PXDNL: variants seen among roughly 807,000 people sequenced by gnomAD.
PXDNL encodes peroxidasin like.
PXDNL carries 145 observed loss-of-function variants against 150.8 expected under a neutral mutation model. The observed-to-expected ratio is 0.96, with a 90% CI of 0.84 to 1.10. The LOEUF (loss-of-function observed/expected upper bound fraction) is 1.10. Ranked by LOEUF, PXDNL falls within the 50% of genes least tolerant of loss-of-function variation. The pLI is 0.00. For synonymous variants in PXDNL, 757 were observed against 725.7 expected (o/e 1.04, Z -0.69); for missense variants, 2,087 against 1,873.9 (o/e 1.11, Z -2.10).
intron 1 of PXDNL, among the ~76,000 whole-genome samples, chr8:51,714,469 T>G (rs548034584): frequency 6.6e-6 from 1 of 152,322 alleles, no homozygotes; most frequent in South Asian, 2.1e-4. Context: ...GCTTTTAATT[T>G]ATTTTCTTTT....
At chr8:51,351,556 T>C (rs186699963) in intron 19 of PXDNL, among the ~76,000 whole-genome samples, 49 of 152,196 alleles carry the variant, frequency 3.2e-4, no homozygotes, top group African/African-American at 1.2e-3. Flanking sequence ...GCCTCTGGAG[T>C]GGGGAGACAC....
chr8:51,558,023 A>T (rs1812632877), intron 3 of PXDNL, among the ~76,000 whole-genome samples: 1 of 152,124 alleles, frequency 6.6e-6, no homozygotes, highest in Admixed American at 6.6e-5. Context: ...AAATCTCAAA[A>T]ATATAGCTAT....
intron 1 of PXDNL, among the ~76,000 whole-genome samples, chr8:51,720,935 G>A (rs1165641967): frequency 2.0e-5 from 3 of 152,190 alleles, no homozygotes; most frequent in Non-Finnish European, 4.4e-5. Flanking sequence ...ACGCTCGATC[G>A]CATGCAAAGA....
At chr8:51,486,903 C>CA (rs1233037122) in intron 5 of PXDNL, among the ~76,000 whole-genome samples, 1 of 143,878 alleles carries the variant, frequency 7.0e-6, no homozygotes, top group African/African-American at 2.6e-5. Flanking sequence ...TGGGTTCAAG[C>CA]AATTCTCCTG....
At chr8:51,594,875 G>A (rs561296534) in intron 2 of PXDNL, among the ~76,000 whole-genome samples, 2 of 152,118 alleles carry the variant, frequency 1.3e-5, no homozygotes, top group African/African-American at 4.8e-5. Context: ...AAATGTATGA[G>A]TGGGTCTGCT....
At chr8:51,433,072 G>A (rs1034228918) in intron 12 of PXDNL, among the ~76,000 whole-genome samples, 1 of 152,058 alleles carries the variant, frequency 6.6e-6, no homozygotes, top group Non-Finnish European at 1.5e-5. Flanking sequence ...AGCTGGATGT[G>A]GCAGGGCGCC....
intron 3 of PXDNL, 130 bp from the exon 4 acceptor site, chr8:51,557,041 T>C (rs1295553506): frequency 1.3e-5 from 8 of 601,066 alleles, no homozygotes; most frequent in East Asian, 1.1e-4. Flanking sequence ...TCTCTAACAA[T>C]ATATAGAAAC....
At chr8:51,495,069 C>T (rs200866400) in intron 5 of PXDNL, among the ~76,000 whole-genome samples, 1 of 152,094 alleles carries the variant, frequency 6.6e-6, no homozygotes, top group Non-Finnish European at 1.5e-5. Context: ...ACAGAAATTA[C>T]AACAAACTGT....
intron 12 of PXDNL, among the ~76,000 whole-genome samples, chr8:51,431,409 A>AT (rs1329781734): frequency 6.6e-6 from 1 of 152,136 alleles, no homozygotes; most frequent in Admixed American, 6.5e-5. Flanking sequence ...TGGCACTTCT[A>AT]TACCCTTTAT....
At chr8:51,381,255 G>A (rs1807526974) in intron 17 of PXDNL, among the ~76,000 whole-genome samples, 1 of 152,124 alleles carries the variant, frequency 6.6e-6, no homozygotes, top group Non-Finnish European at 1.5e-5. Flanking sequence ...AAGAGCATAT[G>A]TCAAAACTTT....
intron 2 of PXDNL, among the ~76,000 whole-genome samples, chr8:51,615,597 G>A (rs771398437): frequency 1.2e-4 from 19 of 152,140 alleles, no homozygotes; most frequent in Non-Finnish European, 2.6e-4. Context: ...ATGAGGGATT[G>A]CACCTAGAAA....
intron 1 of PXDNL, among the ~76,000 whole-genome samples, chr8:51,736,487 A>G (rs1247024439): frequency 6.6e-6 from 1 of 152,224 alleles, no homozygotes; most frequent in East Asian, 1.9e-4. Flanking sequence ...AACAGGGTAC[A>G]GCCAATCACT....
chr8:51,449,789 A>G (rs116842507), intron 10 of PXDNL, among the ~76,000 whole-genome samples: 2 of 152,376 alleles, frequency 1.3e-5, no homozygotes, highest in Admixed American at 6.5e-5. Context: ...AGTAACGCCT[A>G]AGTGATCAAA....
chr8:51,422,107 G>A (rs1213944351), intron 14 of PXDNL, among the ~76,000 whole-genome samples: 4 of 152,002 alleles, frequency 2.6e-5, no homozygotes, highest in Non-Finnish European at 5.9e-5. Context: ...CACTCCTTAT[G>A]AGAATCTAAT....
intron 19 of PXDNL, among the ~76,000 whole-genome samples, chr8:51,347,182 G>A (rs1806186190): frequency 1.3e-5 from 2 of 152,148 alleles, no homozygotes; most frequent in African/African-American, 4.8e-5. Context: ...TAGGCAGAGA[G>A]TACTTTTGTT....
chr8:51,686,499 A>G (rs747622148), intron 1 of PXDNL, among the ~76,000 whole-genome samples: 3 of 152,244 alleles, frequency 2.0e-5, no homozygotes, highest in Non-Finnish European at 4.4e-5. Context: ...TCTCTAATTT[A>G]ATAAGTCCTA....
chr8:51,444,562 C>A (rs1382409923), intron 12 of PXDNL, among the ~76,000 whole-genome samples: 4 of 152,076 alleles, frequency 2.6e-5, no homozygotes, highest in South Asian at 2.1e-4. Context: ...AACTAAGACA[C>A]CTTAGGCAGA....
intron 4 of PXDNL, among the ~76,000 whole-genome samples, chr8:51,547,436 C>T (rs1812385853): frequency 6.6e-6 from 1 of 152,100 alleles, no homozygotes; most frequent in Admixed American, 6.5e-5. Context: ...CAACAGAGTC[C>T]ACTTCACTTC....
intron 14 of PXDNL, among the ~76,000 whole-genome samples, chr8:51,414,906 G>T (rs1022965901): frequency 6.6e-6 from 1 of 152,116 alleles, no homozygotes; most frequent in African/African-American, 2.4e-5. Context: ...AAGTGTCAAT[G>T]AACTACCATT....
Sources: gnomAD v4.1 joint callset for allele counts (sites outside exome capture counted in the v4.1 genomes callset) on GRCh38, gnomAD v4.1.1 for gene constraint, MANE v1.5 for transcripts, NCBI Gene and HGNC (gene_info 2026-07-23, HGNC 2026-07-21) for gene names.